MRPS14: variants seen among roughly 807,000 people sequenced by gnomAD.
MRPS14 encodes the protein mitochondrial ribosomal protein S14, also known as small ribosomal subunit protein uS14m.
A neutral mutation model predicts 16.4 loss-of-function variants in MRPS14; 14 were observed. That is an observed-to-expected ratio of 0.85 (90% CI 0.56 to 1.33). MRPS14 has a LOEUF of 1.33. MRPS14 is among the 40% of genes most tolerant of loss of function. The probability of loss-of-function intolerance (pLI) is 0.00; values close to 1 mark genes in which losing one functional copy is unlikely to be tolerated. For synonymous variants in MRPS14, 54 were observed against 61.9 expected, an observed-to-expected ratio of 0.87 and a Z score of 0.60; for missense variants, 162 against 176.8, an observed-to-expected ratio of 0.92 and a Z score of 0.48.
At chr1:175,016,169 G>A (rs1672878740) in intron 2 of MRPS14, among the ~76,000 whole-genome samples, 1 of 151,212 alleles carries the variant, frequency 6.6e-6, no homozygotes. Context: ...ACTCCAGCCT[G>A]GGCAACAAGA....
chr1:175,020,414 A>C (rs1304129316), intron 1 of MRPS14, among the ~76,000 whole-genome samples: 2 of 152,192 alleles, frequency 1.3e-5, no homozygotes, highest in African/African-American at 4.8e-5. Flanking sequence ...AGTATTCCTA[A>C]TCAAATTCTC....
Position 175,018,514 on chromosome 1 carries a change from G to C in MRPS14, c.108C>G (p.Arg36=). The C allele has an allele frequency of 6.2e-7, 1 of 1,612,478 alleles. No homozygotes were observed. The highest frequency in any genetic ancestry group is 8.5e-7 in the Non-Finnish European group (1 of 1,179,652). The change falls in exon 2 of 3, where the codon CGC becomes CGG. Residue 36 remains arginine, a synonymous_variant. Coordinates refer to ENST00000476371, the MANE Select transcript of MRPS14 (RefSeq NM_022100.3). The part of the protein sequence containing the change: ...RSHYVDWRMW[R]DVKRRKMAYE... ...AGGCCATTTTTCGTCTCTTCACATC[G>C]CGCCACATTCTCCAGTCTACATAGT... is the stretch of plus-strand genomic sequence containing the variant.
In MRPS14 at chr1:175,018,587, G is replaced by C. The variant is rs756471413; in HGVS notation, c.46-11C>G. The C allele has an allele frequency of 1.3e-6, 2 of 1,583,746 alleles. No homozygotes were observed. The highest frequency in any genetic ancestry group is 2.3e-5 in the South Asian group (2 of 85,742). Reference sequence around the variant, plus strand: ...TGATGAAGGAACCATCTGAAAGACAGAGACAAGGGACAAGTGAAGGATAGC... The same window carrying C: ...TGATGAAGGAACCATCTGAAAGACACAGACAAGGGACAAGTGAAGGATAGC... On this transcript the variant is annotated splice_polypyrimidine_tract_variant and intron_variant, in intron 1 of 2. Transcript: ENST00000476371.
Position 175,014,822 on chromosome 1 carries a change from G to T in MRPS14, c.234C>A (p.Leu78=). Residue 78 remains leucine (L), a synonymous_variant, in exon 3 of 3, where the codon CTC becomes CTA. Coordinates refer to ENST00000476371, the MANE Select transcript of MRPS14 (RefSeq NM_022100.3). The part of the protein sequence containing the change: ...QDVADEEIAA[L]PRDSCPVRIR... ...TTCTAACAGGACAGCTATCCCGGGG[G>T]AGGGCAGCAATTTCTTCATCAGCCA... 1.2e-6 allele frequency: 2 copies of T among 1,614,030 alleles called. No individual in the cohort carries two copies. The highest frequency in any genetic ancestry group is 1.7e-6 in the Non-Finnish European group (2 of 1,179,976).
rs563689313 is a variant in MRPS14 at position 175,013,584 on chromosome 1, T to C, written c.*1085A>G. ...CTAACTGGTTGTCTTGCCTGTAGCTTTTTCCTCTCATGGCCATCTGCCACA... is the reference window on the plus strand; with the variant it reads ...CTAACTGGTTGTCTTGCCTGTAGCTCTTTCCTCTCATGGCCATCTGCCACA... On this transcript the variant is annotated 3_prime_UTR_variant, in exon 3 of 3. Coordinates refer to ENST00000476371, the MANE Select transcript of MRPS14 (RefSeq NM_022100.3). 4.6e-5 allele frequency: 7 copies of C among 152,334 alleles called. No individual in the cohort carries two copies. In the South Asian group the frequency reaches 1.4e-3, roughly 32 times the overall value. The allele number at this position is 152,334 out of a possible 1,614,324, so 9.4% of individuals were successfully genotyped here.
chr1:175,014,548 T>C lies in MRPS14; in HGVS notation c.*121A>G. 1 of 909,796 alleles carries C rather than the reference T, an allele frequency of 1.1e-6. No homozygotes were observed. The highest frequency in any genetic ancestry group is 1.6e-6 in the Non-Finnish European group (1 of 623,948). 56.4% of individuals were successfully genotyped at this position (909,796 alleles called of 1,614,324 possible). A position where few individuals can be genotyped will look rare whatever the true frequency, so the allele number is the denominator to read the frequency against. On this transcript the variant is annotated 3_prime_UTR_variant, in exon 3 of 3. Transcript: ENST00000476371. ...AAAGTAGTTTAGAGATAGCATCAGGTAGGCCAAACAACTGTACTGGGCCCC... is the reference window on the plus strand; with the variant it reads ...AAAGTAGTTTAGAGATAGCATCAGGCAGGCCAAACAACTGTACTGGGCCCC...
At chr1:175,016,952 C>T (rs942465284) in intron 2 of MRPS14, among the ~76,000 whole-genome samples, 6 of 152,098 alleles carry the variant, frequency 3.9e-5, no homozygotes, top group African/African-American at 1.2e-4. Context: ...TGATTTCCCC[C>T]TGCCCGCCAT....
At chr1:175,017,762 C>G (rs1409511525) in intron 2 of MRPS14, among the ~76,000 whole-genome samples, 1 of 152,126 alleles carries the variant, frequency 6.6e-6, no homozygotes, top group Non-Finnish European at 1.5e-5. Flanking sequence ...AGGTAAGGAA[C>G]AGTTTAGGCC....
At chr1:175,019,838 A>G (rs930790029) in intron 1 of MRPS14, among the ~76,000 whole-genome samples, 2 of 152,246 alleles carry the variant, frequency 1.3e-5, no homozygotes, top group African/African-American at 4.8e-5. Flanking sequence ...CTGCCCCTAT[A>G]GAAAAATGAT....
intron 2 of MRPS14, among the ~76,000 whole-genome samples, chr1:175,015,594 T>C (rs922741704): frequency 1.3e-5 from 2 of 151,990 alleles, no homozygotes; most frequent in Admixed American, 1.3e-4. Flanking sequence ...AAAAAATCAT[T>C]TGCAAGGTAG....
intron 2 of MRPS14, among the ~76,000 whole-genome samples, chr1:175,017,866 CTGTAATCCCAGCACTT>C (rs1672911958): frequency 6.6e-6 from 1 of 152,194 alleles, no homozygotes; most frequent in African/African-American, 2.4e-5. Context: ...TGGCTCACAC[CTGTAATCCCAGCACTT>C]TGGGAGGCCC....
At chr1:175,019,655 C>T (rs1433004611) in intron 1 of MRPS14, among the ~76,000 whole-genome samples, 1 of 152,104 alleles carries the variant, frequency 6.6e-6, no homozygotes, top group Non-Finnish European at 1.5e-5. Flanking sequence ...CTATCACTGA[C>T]CTAAGACTTC....
intron 1 of MRPS14, among the ~76,000 whole-genome samples, chr1:175,020,353 A>C (rs957194071): frequency 2.6e-5 from 4 of 152,384 alleles, no homozygotes; most frequent in Admixed American, 2.0e-4. Context: ...TTGAGGGTAC[A>C]GGAGATTTAG....
Position 175,014,714 on chromosome 1 carries a change from T to A in MRPS14, c.342A>T (p.Leu114Phe). 1 of 1,613,908 alleles carries A rather than the reference T, an allele frequency of 6.2e-7. No homozygotes were observed. Among genetic ancestry groups the A allele is most frequent in the Non-Finnish European group, 8.5e-7 (1 of 1,179,948 alleles). ...TCCCAGAAAGTTGCCCATGGTCAGCTAAGTGACGGAAGACTATACGACTAA... is the reference window on the plus strand; with the variant it reads ...TCCCAGAAAGTTGCCCATGGTCAGCAAAGTGACGGAAGACTATACGACTAA... ...WRLSRIVFRH[L>F]ADHGQLSGIQ... The change falls in exon 3 of 3, where the codon TTA (leucine) becomes TTT (phenylalanine). Residue 114 changes from leucine (L) to phenylalanine (F), a missense_variant. Physicochemically the swap from Leu to Phe is conservative, Grantham distance 22 (BLOSUM62 0). Coordinates refer to ENST00000476371, the MANE Select transcript of MRPS14 (RefSeq NM_022100.3).
At chr1:175,016,520 T>C (rs1397251238) in intron 2 of MRPS14, among the ~76,000 whole-genome samples, 2 of 152,182 alleles carry the variant, frequency 1.3e-5, no homozygotes, top group African/African-American at 4.8e-5. Flanking sequence ...TGTAAGCTAC[T>C]TGGCAGGCAG....
chr1:175,022,243 T>A (rs1235683077), intron 1 of MRPS14, among the ~76,000 whole-genome samples: 1 of 152,152 alleles, frequency 6.6e-6, no homozygotes, highest in African/African-American at 2.4e-5. Context: ...AAAACCACAG[T>A]ATTTTGGATA....
At chr1:175,014,873 C>A in intron 2 of MRPS14, 22 bp from the exon 3 acceptor site, 1 of 1,610,570 alleles carries the variant, frequency 6.2e-7, no homozygotes, top group Non-Finnish European at 8.5e-7. Flanking sequence ...CACATTATTA[C>A]ACAGATCACA....
intron 1 of MRPS14, chr1:175,022,439 CTCTCT>C (rs945614402): frequency 7.2e-6 from 1 of 139,610 alleles, no homozygotes; most frequent in African/African-American, 2.7e-5. Flanking sequence ...CATAGCCTCT[CTCTCT>C]TTTTTTTTTT....
intron 2 of MRPS14, 106 bp downstream of exon 2, chr1:175,018,312 C>T: frequency 8.9e-7 from 1 of 1,119,224 alleles, no homozygotes; most frequent in African/African-American, 1.6e-5. Context: ...GGATCTTATT[C>T]TCCAGAAATT....
Sources: allele counts gnomAD v4.1 joint callset (sites outside exome capture counted in the v4.1 genomes callset), GRCh38; gene constraint gnomAD v4.1.1; transcripts MANE v1.5; gene names NCBI Gene and HGNC (gene_info 2026-07-23, HGNC 2026-07-21).